Variants in CECR2 observed in about 807,000 individuals in gnomAD.
The protein encoded by CECR2 is CECR2 histone acetyl-lysine reader, also known as chromatin remodeling regulator CECR2.
CECR2 carries 30 observed loss-of-function variants against 154.5 expected under a neutral mutation model. The observed-to-expected ratio is 0.19, with a 90% CI of 0.15 to 0.26. The LOEUF is 0.26. Among genes scored for constraint, CECR2 ranks in the 10% least tolerant of loss-of-function variants. The pLI is 1.00. For missense variants in CECR2, 1,743 were observed against 1,829.3 expected (o/e 0.95, Z 0.86); for synonymous variants, 725 against 683.7 (o/e 1.06, Z -0.94).
chr22:17,495,338 G>A (rs1460075298), intron 2 of CECR2, among the ~76,000 whole-genome samples: 1 of 152,080 alleles, frequency 6.6e-6, no homozygotes, highest in East Asian at 1.9e-4. Flanking sequence ...GGAGGCTAAG[G>A]CAAGCGGATC....
At chr22:17,469,656 C>T (rs2055092523) in intron 1 of CECR2, among the ~76,000 whole-genome samples, 1 of 149,652 alleles carries the variant, frequency 6.7e-6, no homozygotes, top group African/African-American at 2.5e-5. Context: ...CCTACCCAGG[C>T]TGTTCCTAAT....
chr22:17,424,089 T>C (rs1321217767), intron 1 of CECR2, among the ~76,000 whole-genome samples: 1 of 152,188 alleles, frequency 6.6e-6, no homozygotes, highest in Non-Finnish European at 1.5e-5. Context: ...TTTTATATTA[T>C]GTTATCAGAA....
At chr22:17,506,972 G>A (rs1046206332) in intron 7 of CECR2, among the ~76,000 whole-genome samples, 2 of 152,084 alleles carry the variant, frequency 1.3e-5, no homozygotes, top group African/African-American at 4.8e-5. Context: ...CTTTTCTATG[G>A]TGGTTGGTTG....
chr22:17,514,202 C>T (rs146108286), intron 8 of CECR2, among the ~76,000 whole-genome samples: 31 of 152,240 alleles, frequency 2.0e-4, no homozygotes, highest in Admixed American at 8.5e-4. Flanking sequence ...CTCAGGGATT[C>T]GGGATGCAGT....
chr22:17,457,399 T>C lies in CECR2; in HGVS notation c.127-20189T>C, dbSNP rs2054871122. On this transcript the variant is annotated intron_variant, in intron 1 of 18. Transcript: ENST00000262608. ...AATAGGGTCTTGGAATCTAGCTCAA[T>C]TCTATTTTCTTGTGTGTGATATTTT... 2.0e-5 allele frequency among the ~76,000 whole-genome samples: 3 copies of C among 152,262 alleles called. No homozygotes were observed. In the South Asian group the frequency reaches 6.2e-4, roughly 31 times the overall value.
rs1194728969 is a variant in CECR2, at chr22:17,499,481, C to T, written c.477C>T (p.Phe159=). ...ATTCTGGGGCACTATATTGGTATTT[C>T]TATGGAACACGAATGTACAAAGAGG... ...EDNSGALYWY[F]YGTRMYKEDP... The change falls in exon 4 of 19, where the codon TTC becomes TTT. Residue 159 remains phenylalanine (F), a synonymous_variant. Coordinates refer to ENST00000262608, the MANE Select transcript of CECR2 (RefSeq NM_001290047.2). 4 of 1,613,852 alleles carry T rather than the reference C, an allele frequency of 2.5e-6. No individual in the cohort carries two copies. The Admixed American group carries it at 6.7e-5, about 27-fold the overall frequency.
At chr22:17,537,992 CAAAA>C (rs1339847156) in intron 10 of CECR2, among the ~76,000 whole-genome samples, 1 of 99,550 alleles carries the variant, frequency 1.0e-5, no homozygotes, top group Non-Finnish European at 2.1e-5. Flanking sequence ...AGACTCCGTC[CAAAA>C]AAAAAAAAAA....
chr22:17,368,878 A>G (rs1345373635), upstream of CECR2, among the ~76,000 whole-genome samples: 1 of 151,806 alleles, frequency 6.6e-6, no homozygotes, highest in East Asian at 1.9e-4. Flanking sequence ...ACTTCGTTCC[A>G]GCTCAATCAG....
chr22:17,518,228 C>T (rs148660837), intron 8 of CECR2, among the ~76,000 whole-genome samples: 13 of 152,168 alleles, frequency 8.5e-5, no homozygotes, highest in Middle Eastern at 3.4e-3. Context: ...AGTGATTAGG[C>T]GACGCTTTGC....
At chr22:17,381,974 G>A (rs945801485) in intron 1 of CECR2, among the ~76,000 whole-genome samples, 15 of 151,418 alleles carry the variant, frequency 9.9e-5, no homozygotes, top group African/African-American at 2.2e-4. Flanking sequence ...TGCGAGCTCC[G>A]CCTCCTGGGT....
chr22:17,529,809 C>T (rs2056326060), intron 9 of CECR2, among the ~76,000 whole-genome samples: 1 of 152,010 alleles, frequency 6.6e-6, no homozygotes, highest in Admixed American at 6.6e-5. Flanking sequence ...GCTCTGCCTC[C>T]CATGATAGTT....
At chr22:17,491,084 T>A (rs1370535259) in intron 2 of CECR2, among the ~76,000 whole-genome samples, 1 of 152,220 alleles carries the variant, frequency 6.6e-6, no homozygotes, top group Admixed American at 6.5e-5. Flanking sequence ...AAAATAATAC[T>A]TCATTGTGTG....
upstream of CECR2, among the ~76,000 whole-genome samples, chr22:17,369,050 C>G (rs1165150677): frequency 1.4e-4 from 21 of 152,142 alleles, no homozygotes; most frequent in East Asian, 3.5e-3. Flanking sequence ...GCTCTGCCCT[C>G]GGCATCAATA....
At chr22:17,381,518 G>C (rs2063188936) in intron 1 of CECR2, among the ~76,000 whole-genome samples, 1 of 152,058 alleles carries the variant, frequency 6.6e-6, no homozygotes, top group African/African-American at 2.4e-5. Flanking sequence ...GACTCCGCTT[G>C]GATTTCTGTA....
chr22:17,418,810 TG>T, intron 1 of CECR2: 1 of 214,004 alleles, frequency 4.7e-6, no homozygotes, highest in Non-Finnish European at 9.3e-6. Flanking sequence ...TTCTTCCACG[TG>T]GGGCCCAGCC....
At chr22:17,530,358 A>G (rs758723636) in intron 9 of CECR2, among the ~76,000 whole-genome samples, 32 of 151,922 alleles carry the variant, frequency 2.1e-4, no homozygotes, top group Admixed American at 7.2e-4. Flanking sequence ...AAGAAACTTG[A>G]AAGGAGGAAA....
chr22:17,401,849 CT>C (rs199771623), intron 1 of CECR2, among the ~76,000 whole-genome samples: 5 of 144,308 alleles, frequency 3.5e-5, no homozygotes, highest in African/African-American at 1.3e-4. Context: ...CCCCCGCTGC[CT>C]TTTTTTTAAC....
intron 1 of CECR2, among the ~76,000 whole-genome samples, chr22:17,399,810 G>A (rs1339023999): frequency 1.3e-5 from 2 of 152,144 alleles, no homozygotes; most frequent in Non-Finnish European, 2.9e-5. Context: ...AAATTTTAGT[G>A]TAATTTCATC....
intron 1 of CECR2, among the ~76,000 whole-genome samples, chr22:17,402,936 T>C (rs751847225): frequency 7.9e-5 from 12 of 152,126 alleles, no homozygotes; most frequent in Non-Finnish European, 1.3e-4. Flanking sequence ...TTTGTATTTT[T>C]AGTAGAGACG....
Sources: allele counts gnomAD v4.1 joint callset (sites outside exome capture counted in the v4.1 genomes callset), GRCh38; gene constraint gnomAD v4.1.1; transcripts MANE v1.5; gene names NCBI Gene and HGNC (gene_info 2026-07-23, HGNC 2026-07-21).